ARHGAP19: variants seen among roughly 807,000 people sequenced by gnomAD.
ARHGAP19 encodes the protein Rho GTPase activating protein 19, also known as rho GTPase-activating protein 19.
A neutral mutation model predicts 60.9 loss-of-function variants in ARHGAP19; 48 were observed. The ratio of observed to expected loss-of-function variants is 0.79; its 90% confidence interval spans 0.62 to 1.00. The LOEUF (loss-of-function observed/expected upper bound fraction) is 1.00, where lower values mean the gene tolerates loss of function less well. ARHGAP19 is among the 50% of genes least tolerant of loss of function. ARHGAP19 has a pLI of 0.00. For synonymous variants in ARHGAP19, 209 were observed against 215.5 expected, an observed-to-expected ratio of 0.97 and a Z score of 0.27; for missense variants, 562 against 597.2, an observed-to-expected ratio of 0.94 and a Z score of 0.61.
In ARHGAP19 at chr10:97,223,158, G is replaced by A. The variant is rs1339428833; in HGVS notation, c.*2964C>T. Reference sequence around the variant, plus strand: ...AGCCCTCCACTAGCCCATTTCCCAAGGGTGTTCCCTTGTCCTTCCTGAATG... The same window carrying A: ...AGCCCTCCACTAGCCCATTTCCCAAAGGTGTTCCCTTGTCCTTCCTGAATG... On this transcript the variant is annotated 3_prime_UTR_variant, in exon 12 of 12. Transcript: ENST00000358531. 7 of 152,178 alleles carry A rather than the reference G, an allele frequency of 4.6e-5. No individual in the cohort carries two copies. The highest frequency in any genetic ancestry group is 6.5e-5 in the Admixed American group (1 of 15,270). The allele number at this position is 152,178 out of a possible 1,614,324, so 9.4% of individuals were successfully genotyped here. A position where few individuals can be genotyped will look rare whatever the true frequency, so the allele number is the denominator to read the frequency against.
intron 8 of ARHGAP19, among the ~76,000 whole-genome samples, chr10:97,235,952 C>T (rs988785568): frequency 6.6e-6 from 1 of 152,160 alleles, no homozygotes; most frequent in African/African-American, 2.4e-5. Context: ...CTCTTCTACT[C>T]TTCTGCCTTT....
intron 8 of ARHGAP19, among the ~76,000 whole-genome samples, chr10:97,240,116 G>A (rs1842454891): frequency 6.6e-6 from 1 of 150,420 alleles, no homozygotes; most frequent in Non-Finnish European, 1.5e-5. Context: ...AACTGGCAAT[G>A]TTTTAAGGGG....
intron 1 of ARHGAP19, among the ~76,000 whole-genome samples, chr10:97,274,372 G>A (rs2134907700): frequency 6.6e-6 from 1 of 152,072 alleles, no homozygotes; most frequent in East Asian, 1.9e-4. Flanking sequence ...GGCTGAGGCA[G>A]AAGAACTGCT....
At position 97,242,324 on chromosome 10, in the gene ARHGAP19, C is replaced by CTTT. The variant is rs1164708198; in HGVS notation, c.1185+1641_1185+1643dup. ...TTTTTTATCTTTAAGTATCAGTGTT[C>CTTT]TTTTTTTTTTTTTTTTTTTTTTTTT... is the stretch of plus-strand genomic sequence containing the variant. On this transcript the variant is annotated intron_variant, in intron 8 of 11. Transcript: ENST00000358531. 8.8e-4 allele frequency among the ~76,000 whole-genome samples: 49 copies of CTTT among 55,804 alleles called. 3 individuals carry two copies. The highest frequency in any genetic ancestry group is 1.6e-3 in the African/African-American group (22 of 13,492). The allele number at this position is 55,804 out of a possible 152,430, so 36.6% of individuals were successfully genotyped here. A position where few individuals can be genotyped will look rare whatever the true frequency, so the allele number is the denominator to read the frequency against.
chr10:97,262,932 G>A (rs1328551995), intron 4 of ARHGAP19, among the ~76,000 whole-genome samples: 2 of 152,054 alleles, frequency 1.3e-5, no homozygotes, highest in East Asian at 1.9e-4. Flanking sequence ...GCAACACGGC[G>A]AAACCCCATG....
At position 97,263,511 on chromosome 10, in the gene ARHGAP19, A is replaced by G; in HGVS notation, c.522T>C (p.Asn174=). 1 of 1,614,142 alleles carries G rather than the reference A, an allele frequency of 6.2e-7. No individual in the cohort carries two copies. Among genetic ancestry groups the G allele is most frequent in the Non-Finnish European group, 8.5e-7 (1 of 1,180,026 alleles). The part of the protein sequence containing the change: ...IDLESGEFHS[N]DVATLLKMFL... The stretch of plus-strand genomic sequence containing the variant: ...ACATCTTCAGCAAAGTGGCAACATC[A>G]TTTGAGTGAAATTCCCCTGATTCCA... Residue 174 remains asparagine, a synonymous_variant, in exon 4 of 12, where the codon AAT becomes AAC. Coordinates refer to ENST00000358531, the MANE Select transcript of ARHGAP19 (RefSeq NM_032900.6).
At chr10:97,273,484 CTTTTTTTTTT>C in intron 1 of ARHGAP19, among the ~76,000 whole-genome samples, 1 of 92,520 alleles carries the variant, frequency 1.1e-5, no homozygotes, top group African/African-American at 4.1e-5. Context: ...TTTCTGCTCT[CTTTTTTTTTT>C]TTTTTTTTTT....
At chr10:97,249,797 C>CTTT (rs34158492) in intron 6 of ARHGAP19, among the ~76,000 whole-genome samples, 5 of 109,028 alleles carry the variant, frequency 4.6e-5, no homozygotes, top group Non-Finnish European at 5.5e-5. Flanking sequence ...TAGTGTGATT[C>CTTT]TTTTTTTTTT....
chr10:97,256,656 T>C (rs1842756491), intron 5 of ARHGAP19: 2 of 354,780 alleles, frequency 5.6e-6, no homozygotes, highest in African/African-American at 2.1e-5. Flanking sequence ...AAATTAGACA[T>C]GTAAACAAAA....
chr10:97,272,131 C>CTTTTTTTTTTT lies in ARHGAP19; in HGVS notation c.57-6017_57-6007dup, dbSNP rs35980234. On this transcript the variant is annotated intron_variant, in intron 1 of 11. Transcript: ENST00000358531. Reference sequence around the variant, plus strand: ...TTATACACTTAGGTGGGAAATATGTCTTTTTTTTTTTTTTTTTTTTTTCAG... The same window carrying CTTTTTTTTTTT: ...TTATACACTTAGGTGGGAAATATGTCTTTTTTTTTTTTTTTTTTTTTTTTTTTTTTTTTCAG... 2.1e-4 allele frequency among the ~76,000 whole-genome samples: 18 copies of CTTTTTTTTTTT among 85,634 alleles called. 2 individuals carry two copies. The highest frequency in any genetic ancestry group is 2.8e-4 in the Non-Finnish European group (14 of 49,348). The allele number at this position is 85,634 out of a possible 152,430, so 56.2% of individuals were successfully genotyped here.
At chr10:97,274,871 T>A (rs1843004169) in intron 1 of ARHGAP19, 1 of 152,112 alleles carries the variant, frequency 6.6e-6, no homozygotes, top group South Asian at 2.1e-4. Context: ...GCAAGACCCC[T>A]CAAAAAAGAA....
At chr10:97,285,747 T>C (rs945061336) in intron 1 of ARHGAP19, among the ~76,000 whole-genome samples, 1 of 152,182 alleles carries the variant, frequency 6.6e-6, no homozygotes, top group Non-Finnish European at 1.5e-5. Context: ...CTCGAACTCC[T>C]GACCTCAAGT....
intron 4 of ARHGAP19, among the ~76,000 whole-genome samples, chr10:97,261,764 C>T (rs1209921603): frequency 6.6e-6 from 1 of 152,064 alleles, no homozygotes; most frequent in Non-Finnish European, 1.5e-5. Context: ...AGGAAAAATA[C>T]TCAGGGGCAG....
Position 97,274,807 on chromosome 10 carries a change from T to C in ARHGAP19, c.57-8682A>G, listed in dbSNP as rs563560251. Reference sequence around the variant, plus strand: ...CCAGGAAAATTAGTAGCTAGATATGTAGGCATACAGAAATAACAAGGGCTC... The same window carrying C: ...CCAGGAAAATTAGTAGCTAGATATGCAGGCATACAGAAATAACAAGGGCTC... On this transcript the variant is annotated intron_variant, in intron 1 of 11. Transcript: ENST00000358531. 7.7e-4 allele frequency among the ~76,000 whole-genome samples: 118 copies of C among 152,336 alleles called. 1 individual carries two copies. The highest frequency in any genetic ancestry group is 2.7e-3 in the African/African-American group (111 of 41,586).
chr10:97,273,484 CTTT>C (rs11442502), intron 1 of ARHGAP19, among the ~76,000 whole-genome samples: 11 of 92,494 alleles, frequency 1.2e-4, no homozygotes, highest in East Asian at 3.3e-4. Context: ...TTTCTGCTCT[CTTT>C]TTTTTTTTTT....
intron 5 of ARHGAP19, among the ~76,000 whole-genome samples, chr10:97,258,463 G>A (rs1842785099): frequency 6.6e-6 from 1 of 152,116 alleles, no homozygotes; most frequent in Non-Finnish European, 1.5e-5. Flanking sequence ...GAACCTGGGA[G>A]GCAGAGATTG....
chr10:97,226,271 A>G, intron 11 of ARHGAP19, 139 bp from the exon 12 acceptor site: 1 of 802,692 alleles, frequency 1.2e-6, no homozygotes, highest in Non-Finnish European at 2.0e-6. Flanking sequence ...AGAATGTGTG[A>G]CTCTACCAAA....
rs1455921734 is a variant in ARHGAP19 at position 97,263,639 on chromosome 10, A to G, written c.404-10T>C. 9 of 1,613,490 alleles carry G rather than the reference A, an allele frequency of 5.6e-6. No individual in the cohort carries two copies. Among genetic ancestry groups the G allele is most frequent in the African/African-American group, 1.3e-5 (1 of 74,930 alleles). ...CCCTCTACTCGCAAGTCTGTTTAGC[A>G]TAAAACAAAGCAGAGGACAGGCAAA... On this transcript the variant is annotated splice_polypyrimidine_tract_variant and intron_variant, in intron 3 of 11. Transcript: ENST00000358531.
intron 11 of ARHGAP19, among the ~76,000 whole-genome samples, chr10:97,227,844 G>C (rs1446173748): frequency 6.6e-6 from 1 of 152,166 alleles, no homozygotes; most frequent in Non-Finnish European, 1.5e-5. Context: ...CTGCTCTAAA[G>C]CTTATTGGTG....
Sources: gnomAD v4.1 joint callset for allele counts (sites outside exome capture counted in the v4.1 genomes callset) on GRCh38, gnomAD v4.1.1 for gene constraint, MANE v1.5 for transcripts, NCBI Gene and HGNC (gene_info 2026-07-23, HGNC 2026-07-21) for gene names.